The following AFM variants were observed in gnomAD, a reference collection of about 807,000 sequenced individuals.
AFM encodes alpha-Alb.
AFM carries 82 observed loss-of-function variants against 68.7 expected under a neutral mutation model. The ratio of observed to expected loss-of-function variants is 1.19; its 90% CI spans 1.00 to 1.43. AFM has a LOEUF of 1.43. Ranked by LOEUF, AFM falls within the 40% of genes most tolerant of loss-of-function variation. AFM has a pLI of 0.00. For synonymous variants in AFM, 250 were observed against 234.2 expected, an observed-to-expected ratio of 1.07 and a Z score of -0.61; for missense variants, 772 against 701.8, an observed-to-expected ratio of 1.10 and a Z score of -1.13.
chr4:73,501,781 C>T lies in AFM; in HGVS notation c.1647-6C>T. 1.2e-6 allele frequency: 2 copies of T among 1,609,656 alleles called. No individual in the cohort carries two copies. The highest frequency in any genetic ancestry group is 1.7e-6 in the Non-Finnish European group (2 of 1,178,214). ...ATTAATTTTATTTGACATCTTTTGGCCACAGGTTTCTTGTCAACTTAGTGA... is the reference window on the plus strand; with the variant it reads ...ATTAATTTTATTTGACATCTTTTGGTCACAGGTTTCTTGTCAACTTAGTGA... On this transcript the variant is annotated splice_region_variant and splice_polypyrimidine_tract_variant and intron_variant, in intron 12 of 14. Coordinates refer to ENST00000226355, the MANE Select transcript of AFM (RefSeq NM_001133.2).
chr4:73,483,209 CT>C (rs558305644), intron 1 of AFM, among the ~76,000 whole-genome samples: 10 of 152,084 alleles, frequency 6.6e-5, no homozygotes, highest in Admixed American at 2.6e-4. Flanking sequence ...TCCTATAATC[CT>C]TTTTTTTCTT....
intron 7 of AFM, among the ~76,000 whole-genome samples, chr4:73,489,873 G>T (rs925879676): frequency 6.6e-6 from 1 of 152,080 alleles, no homozygotes; most frequent in African/African-American, 2.4e-5. Flanking sequence ...TGCATGCGGG[G>T]CTTAAAACCT....
chr4:73,490,126 G>A (rs757436655), intron 7 of AFM, among the ~76,000 whole-genome samples: 8 of 144,268 alleles, frequency 5.5e-5, no homozygotes, highest in Admixed American at 1.5e-4. Flanking sequence ...CCAGGAGTTC[G>A]AGGATACAGT....
intron 7 of AFM, 145 bp downstream of exon 7, chr4:73,488,904 A>T (rs1167036576): frequency 1.2e-6 from 1 of 817,626 alleles, no homozygotes; most frequent in Admixed American, 3.1e-5. Flanking sequence ...AAAATGAAAT[A>T]TAAACATTTT....
At chr4:73,495,723 G>A (rs928591446) in intron 9 of AFM, among the ~76,000 whole-genome samples, 1 of 151,986 alleles carries the variant, frequency 6.6e-6, no homozygotes, top group Non-Finnish European at 1.5e-5. Context: ...AAGCCGTATT[G>A]GATATTACAT....
intron 7 of AFM, among the ~76,000 whole-genome samples, chr4:73,489,405 T>C (rs1337817428): frequency 6.6e-6 from 1 of 152,200 alleles, no homozygotes; most frequent in East Asian, 1.9e-4. Context: ...ACATGTTATA[T>C]ATGCATATAT....
intron 9 of AFM, among the ~76,000 whole-genome samples, chr4:73,496,283 TGG>T (rs1721253930): frequency 6.6e-6 from 1 of 152,218 alleles, no homozygotes; most frequent in African/African-American, 2.4e-5. Context: ...TTTTAAATGA[TGG>T]TATCCCATCA....
At chr4:73,484,702 T>C (rs1720842354) in intron 3 of AFM, among the ~76,000 whole-genome samples, 1 of 151,800 alleles carries the variant, frequency 6.6e-6, no homozygotes, top group Admixed American at 6.6e-5. Context: ...GCCCAGCTAA[T>C]TTTTTTGTAT....
chr4:73,500,888 C>A (rs376054355), intron 12 of AFM, among the ~76,000 whole-genome samples: 8 of 152,248 alleles, frequency 5.3e-5, no homozygotes, highest in African/African-American at 1.7e-4. Context: ...ATTTTCCAGT[C>A]CATCCTATTC....
chr4:73,489,296 T>G (rs750258673), intron 7 of AFM, among the ~76,000 whole-genome samples: 1 of 152,120 alleles, frequency 6.6e-6, no homozygotes, highest in Non-Finnish European at 1.5e-5. Flanking sequence ...TCCCTTTCAT[T>G]TCTTTCCACG....
intron 7 of AFM, 86 bp downstream of exon 7, chr4:73,488,845 C>G: frequency 7.8e-7 from 1 of 1,285,470 alleles, no homozygotes; most frequent in East Asian, 2.5e-5. Flanking sequence ...TATGTGGTTA[C>G]TTTGCCACAA....
In AFM at chr4:73,487,063, T is replaced by G. The variant is rs750616488; in HGVS notation, c.579T>G (p.Cys193Trp). 6 of 1,613,942 alleles carry G rather than the reference T, an allele frequency of 3.7e-6. No homozygotes were observed. The African/African-American group carries it at 8.0e-5, about 22-fold the overall frequency. ...VHFEEVAKSC[C>W]EEQNKVNCLQ... Reference sequence around the variant, plus strand: ...TTGAGGAGGTGGCCAAATCATGTTGTGAAGAACAAAACAAAGTCAACTGCC... The same window carrying G: ...TTGAGGAGGTGGCCAAATCATGTTGGGAAGAACAAAACAAAGTCAACTGCC... Residue 193 changes from cysteine to tryptophan, a missense_variant, in exon 5 of 15, where the codon TGT becomes TGG. Transcript: ENST00000226355.
intron 5 of AFM, 78 bp from the exon 6 acceptor site, chr4:73,487,646 G>T: frequency 8.2e-6 from 8 of 981,592 alleles, no homozygotes; most frequent in Non-Finnish European, 1.2e-5. Flanking sequence ...GTAATAGTTT[G>T]AATGAAATAT....
Position 73,487,838 on chromosome 4 carries a change from A to G in AFM, c.713+17A>G. The stretch of plus-strand genomic sequence containing the variant: ...ACACTTTATGTGAGTTTTATACTAT[A>G]TGTCTTGTCTCTGCTTGCATTTCCT... On this transcript the variant is annotated intron_variant, in intron 6 of 14. Coordinates refer to ENST00000226355, the MANE Select transcript of AFM (RefSeq NM_001133.2). The G allele has an allele frequency of 6.7e-7, 1 of 1,494,184 alleles. No individual in the cohort carries two copies. The highest frequency in any genetic ancestry group is 9.3e-7 in the Non-Finnish European group (1 of 1,073,926). The allele number at this position is 1,494,184 out of a possible 1,614,324, so 92.6% of individuals were successfully genotyped here. A position where few individuals can be genotyped will look rare whatever the true frequency, so the allele number is the denominator to read the frequency against.
intron 4 of AFM, 66 bp downstream of exon 4, chr4:73,486,139 A>G (rs1222859516): frequency 7.8e-7 from 1 of 1,286,402 alleles, no homozygotes; most frequent in African/African-American, 1.5e-5. Flanking sequence ...TCTAATATCT[A>G]TCTCAAATAA....
chr4:73,497,443 C>T (rs1031821076), intron 9 of AFM, among the ~76,000 whole-genome samples: 2 of 152,020 alleles, frequency 1.3e-5, no homozygotes, highest in Admixed American at 1.3e-4. Flanking sequence ...AAAATTTGGA[C>T]TTTTAAATTT....
At chr4:73,493,593 A>C (rs1721162182) in intron 8 of AFM, among the ~76,000 whole-genome samples, 1 of 152,226 alleles carries the variant, frequency 6.6e-6, no homozygotes, top group South Asian at 2.1e-4. Context: ...AAATTTTAAA[A>C]ACAACCCTCT....
At chr4:73,484,213 A>G in intron 2 of AFM, 45 bp from the exon 3 acceptor site, 1 of 1,553,436 alleles carries the variant, frequency 6.4e-7, no homozygotes, top group Non-Finnish European at 8.6e-7. Context: ...CCATAAATGG[A>G]AACTCTGCAA....
Position 73,484,503 on chromosome 4 carries a change from T to TTTCTTTCA in AFM, c.270+116_270+117insTTTCATTC, listed in dbSNP as rs1553894026. ...CTTTCTTTCTTTCTTTCTTTCTTTCTTTCATTCTTTCTTTCTTCTTTCTTT... is the reference window on the plus strand; with the variant it reads ...CTTTCTTTCTTTCTTTCTTTCTTTCTTTCTTTCATTCATTCTTTCTTTCTTCTTTCTTT... On this transcript the variant is annotated intron_variant, in intron 3 of 14. Transcript: ENST00000226355. 4 of 651,414 alleles carry TTTCTTTCA rather than the reference T, an allele frequency of 6.1e-6. No homozygotes were observed. In the East Asian group the frequency reaches 1.2e-4, roughly 19 times the overall value. 40.4% of individuals were successfully genotyped at this position (651,414 alleles called of 1,614,324 possible). A position where few individuals can be genotyped will look rare whatever the true frequency, so the allele number is the denominator to read the frequency against.
Sources: allele counts gnomAD v4.1 joint callset (sites outside exome capture counted in the v4.1 genomes callset), GRCh38; gene constraint gnomAD v4.1.1; transcripts MANE v1.5; gene names NCBI Gene and HGNC (gene_info 2026-07-23, HGNC 2026-07-21).